The following PDE4B variants were observed in gnomAD, a reference collection of about 807,000 sequenced individuals.
PDE4B encodes the protein 3',5'-cyclic-AMP phosphodiesterase 4B.
A neutral mutation model predicts 82.2 loss-of-function variants in PDE4B; 20 were observed. The ratio of observed to expected loss-of-function variants is 0.24; its 90% confidence interval spans 0.17 to 0.35. The LOEUF (loss-of-function observed/expected upper bound fraction) is 0.35, where lower values mean the gene tolerates loss of function less well. PDE4B is among the 10% of genes least tolerant of loss of function. The pLI is 1.00. For synonymous variants in PDE4B, 320 were observed against 318.9 expected (o/e 1.00, Z -0.04); for missense variants, 655 against 907.2 (o/e 0.72, Z 3.57).
intron 3 of PDE4B, among the ~76,000 whole-genome samples, chr1:66,115,277 G>A (rs1405421879): frequency 2.0e-5 from 3 of 152,148 alleles, no homozygotes; most frequent in Non-Finnish European, 4.4e-5. Flanking sequence ...ACACACCAAT[G>A]CCCCGTTTTC....
At chr1:66,027,486 A>G (rs1289913652) in intron 3 of PDE4B, among the ~76,000 whole-genome samples, 3 of 152,142 alleles carry the variant, frequency 2.0e-5, no homozygotes, top group Non-Finnish European at 4.4e-5. Context: ...ACCAAATCTC[A>G]TGTCCTCACA....
intron 8 of PDE4B, among the ~76,000 whole-genome samples, chr1:66,337,687 A>G (rs1660638256): frequency 6.6e-6 from 1 of 152,230 alleles, no homozygotes; most frequent in Middle Eastern, 3.2e-3. Flanking sequence ...GAGATAGCTC[A>G]ATGTATATCT....
intron 3 of PDE4B, chr1:66,152,241 G>C (rs1405754625): frequency 6.4e-6 from 1 of 156,390 alleles, no homozygotes; most frequent in Non-Finnish European, 1.4e-5. Flanking sequence ...CATTTTAGAA[G>C]CTTTTCAATG....
At chr1:66,044,406 G>A (rs755099388) in intron 3 of PDE4B, among the ~76,000 whole-genome samples, 8 of 151,666 alleles carry the variant, frequency 5.3e-5, no homozygotes. Context: ...TTGTGTGGCC[G>A]AATGAAAAGA....
chr1:66,258,410 A>G lies in PDE4B; in HGVS notation c.584+547A>G, dbSNP rs17128678. 9.7e-3 allele frequency among the ~76,000 whole-genome samples: 1,484 copies of G among 152,334 alleles called. 52 individuals carry two copies. The East Asian group carries it at 0.12, about 12-fold the overall frequency. On this transcript the variant is annotated intron_variant, in intron 6 of 16. Coordinates refer to ENST00000341517, the MANE Select transcript of PDE4B (RefSeq NM_002600.4). ...TTGCTGATCCTTGATCTCCGTATCT[A>G]TAAAATGAAGGGTTTGAACTTTATA...
chr1:65,843,675 TG>T (rs1188261665), intron 1 of PDE4B, among the ~76,000 whole-genome samples: 8 of 152,140 alleles, frequency 5.3e-5, no homozygotes, highest in Non-Finnish European at 1.2e-4. Context: ...AGACAGGATT[TG>T]TTTTTTTTCC....
chr1:66,369,597 G>T (rs1663523359), intron 16 of PDE4B, among the ~76,000 whole-genome samples: 1 of 152,196 alleles, frequency 6.6e-6, no homozygotes, highest in South Asian at 2.1e-4. Context: ...ATGCAGCAAT[G>T]GAAAGTATCA....
At chr1:65,908,543 T>C (rs1474715299) in intron 1 of PDE4B, among the ~76,000 whole-genome samples, 1 of 152,188 alleles carries the variant, frequency 6.6e-6, no homozygotes, top group Non-Finnish European at 1.5e-5. Flanking sequence ...GGTGTATCTA[T>C]ACATTTAGTA....
At chr1:66,330,382 T>TA (rs5774807) in intron 7 of PDE4B, among the ~76,000 whole-genome samples, 95,235 of 151,992 alleles carry the variant, frequency 0.63, 30,064 homozygotes, top group East Asian at 0.83. Context: ...TTCTCTTTTT[T>TA]GTACTTCTGC....
intron 3 of PDE4B, among the ~76,000 whole-genome samples, chr1:66,216,815 G>C (rs1382938896): frequency 6.6e-6 from 1 of 152,092 alleles, no homozygotes; most frequent in Non-Finnish European, 1.5e-5. Context: ...AAAGAAAGCA[G>C]TCTTAATAGC....
intron 16 of PDE4B, among the ~76,000 whole-genome samples, chr1:66,370,150 C>CAAAA (rs752920376): frequency 0.03 from 832 of 28,136 alleles, 1 homozygote; most frequent in Non-Finnish European, 0.048. Context: ...GACTCTATCT[C>CAAAA]AAAAAAAAAA....
chr1:66,027,057 GC>G (rs1365169693), intron 3 of PDE4B, among the ~76,000 whole-genome samples: 1 of 152,158 alleles, frequency 6.6e-6, no homozygotes, highest in Non-Finnish European at 1.5e-5. Flanking sequence ...TTACCTGTTA[GC>G]TTTAATGTAT....
intron 9 of PDE4B, among the ~76,000 whole-genome samples, chr1:66,357,080 A>G (rs528049894): frequency 3.4e-4 from 51 of 152,178 alleles, no homozygotes; most frequent in Non-Finnish European, 6.2e-4. Context: ...GGGACATTTT[A>G]CAGGTTAATG....
intron 7 of PDE4B, among the ~76,000 whole-genome samples, chr1:66,328,550 T>C (rs1395609904): frequency 6.6e-6 from 1 of 152,210 alleles, no homozygotes; most frequent in Non-Finnish European, 1.5e-5. Context: ...ACTTGTGTTT[T>C]ATAAATGATG....
At chr1:66,094,338 A>G (rs1468554269) in intron 3 of PDE4B, 1 of 152,054 alleles carries the variant, frequency 6.6e-6, no homozygotes, top group Non-Finnish European at 1.5e-5. Context: ...ATCCTTGTAT[A>G]ACAGAAGAGA....
intron 3 of PDE4B, among the ~76,000 whole-genome samples, chr1:65,998,705 T>C (rs1651691285): frequency 6.6e-6 from 1 of 152,166 alleles, no homozygotes; most frequent in African/African-American, 2.4e-5. Flanking sequence ...ACTTACACCA[T>C]GATGCTGTAG....
chr1:65,918,753 G>C lies in PDE4B; in HGVS notation c.199G>C (p.Glu67Gln). The C allele has an allele frequency of 3.7e-6, 6 of 1,614,068 alleles. No homozygotes were observed. Among genetic ancestry groups the C allele is most frequent in the Non-Finnish European group, 5.1e-6 (6 of 1,179,886 alleles). Residue 67 changes from glutamate (E) to glutamine (Q), a missense_variant, in exon 3 of 17, where the codon GAG becomes CAG. By Grantham distance (29) the Glu-to-Gln change is conservative. Transcript: ENST00000341517. ...QRQSERARTPEGDGISRPTTL... is the reference protein window; with the variant it reads ...QRQSERARTPQGDGISRPTTL... Reference sequence around the variant, plus strand: ...ACAGAGTGAAAGGGCAAGGACTCCTGAGGGAGATGGTATTTCCAGGCCGAC... The same window carrying C: ...ACAGAGTGAAAGGGCAAGGACTCCTCAGGGAGATGGTATTTCCAGGCCGAC...
intron 3 of PDE4B, among the ~76,000 whole-genome samples, chr1:66,131,455 C>T (rs987152087): frequency 6.7e-6 from 1 of 148,736 alleles, no homozygotes; most frequent in African/African-American, 2.5e-5. Context: ...GAAAACAGGT[C>T]CTGAATCTAG....
intron 8 of PDE4B, among the ~76,000 whole-genome samples, chr1:66,349,470 C>T (rs965507687): frequency 6.6e-5 from 10 of 152,230 alleles, no homozygotes; most frequent in African/African-American, 2.4e-4. Flanking sequence ...TGTTTGTTCC[C>T]TGGCACACCA....
Sources: allele counts gnomAD v4.1 joint callset (sites outside exome capture counted in the v4.1 genomes callset), GRCh38; gene constraint gnomAD v4.1.1; transcripts MANE v1.5; gene names NCBI Gene and HGNC (gene_info 2026-07-23, HGNC 2026-07-21).